NME4: variants seen among roughly 807,000 people sequenced by gnomAD.
NME4 encodes the protein NME/NM23 nucleoside diphosphate kinase 4, also known as nucleoside diphosphate kinase D, mitochondrial.
In NME4, 21 loss-of-function variants were observed where a neutral mutation model predicts 16.4. The observed-to-expected ratio is 1.28, with a 90% CI of 0.91 to 1.84. NME4 has a LOEUF of 1.84. Among genes scored for constraint, NME4 ranks in the 40% most tolerant of loss-of-function variants. The pLI is 0.00. For missense variants in NME4, 316 were observed against 261.3 expected (o/e 1.21, Z -1.44); for synonymous variants, 132 against 107.5 (o/e 1.23, Z -1.41).
rs2054607483 is a variant in NME4, at chr16:399,189, T to C, written c.225+66T>C. On this transcript the variant is annotated intron_variant, in intron 2 of 4. Transcript: ENST00000219479. ...GGGTTGGGGGATCCTTCTCGGCCTT[T>C]CACATCCCAGCCAGCGCCGGGGCAG... 5 of 1,593,116 alleles carry C rather than the reference T, an allele frequency of 3.1e-6. No homozygotes were observed. In the Admixed American group the frequency reaches 6.7e-5, roughly 21 times the overall value.
Position 399,052 on chromosome 16 carries a change from C to A in NME4, c.154C>A (p.Arg52=), listed in dbSNP as rs778547344. ...GGTGAAGCCCGATGGCGTGCAACGG[C>A]GGCTCGTTGGGGACGTGATCCAGCG... is the stretch of plus-strand genomic sequence containing the variant. ...VAVKPDGVQR[R]LVGDVIQRFE... Residue 52 remains arginine (R), a synonymous_variant, in exon 2 of 5, where the codon CGG becomes AGG. Transcript: ENST00000219479. The A allele has an allele frequency of 1.9e-6, 3 of 1,607,128 alleles. No individual in the cohort carries two copies. The African/African-American group carries it at 4.0e-5, about 21-fold the overall frequency.
At chr16:397,830 G>A (rs1306309084) in intron 1 of NME4, 2 of 1,533,422 alleles carry the variant, frequency 1.3e-6, no homozygotes, top group Non-Finnish European at 8.8e-7. Context: ...CGGCCCCGCC[G>A]CTGCCCGGCC....
chr16:400,629 A>G lies in NME4; in HGVS notation c.*287A>G, dbSNP rs1318973525. 1 of 386,950 alleles carries G rather than the reference A, an allele frequency of 2.6e-6. No individual in the cohort carries two copies. The highest frequency in any genetic ancestry group is 4.1e-5 in the East Asian group (1 of 24,532). The allele number at this position is 386,950 out of a possible 1,614,324, so 24.0% of individuals were successfully genotyped here. A position where few individuals can be genotyped will look rare whatever the true frequency, so the allele number is the denominator to read the frequency against. Reference sequence around the variant, plus strand: ...ACCTCTCCTCTAAAGGGGAGGCATTAAAATTCACTGTGCCCAGCACATGGG... The same window carrying G: ...ACCTCTCCTCTAAAGGGGAGGCATTGAAATTCACTGTGCCCAGCACATGGG... On this transcript the variant is annotated 3_prime_UTR_variant, in exon 5 of 5. Coordinates refer to ENST00000219479, the MANE Select transcript of NME4 (RefSeq NM_005009.3).
chr16:397,371 C>A, intron 1 of NME4, 58 bp downstream of exon 1: 1 of 696,416 alleles, frequency 1.4e-6, no homozygotes, highest in Non-Finnish European at 1.8e-6. Flanking sequence ...GCGCGCGCCG[C>A]TCGGCCTTTG....
chr16:399,980 C>CGT (rs1408129076), intron 4 of NME4: 1 of 678,974 alleles, frequency 1.5e-6, no homozygotes. Context: ...GGGGTTGGCA[C>CGT]GGGGCAACTT....
At chr16:397,953 A>C (rs2054583114) in intron 1 of NME4, 1 of 1,547,528 alleles carries the variant, frequency 6.5e-7, no homozygotes. Context: ...GCCCCAGGCT[A>C]CACAAGGCGC....
intron 4 of NME4, chr16:399,978 CA>C (rs2054624836): frequency 5.9e-6 from 4 of 677,766 alleles, no homozygotes; most frequent in Non-Finnish European, 5.1e-6. Flanking sequence ...AAGGGGTTGG[CA>C]CGGGGCAACT....
rs920645730 is a variant in NME4 at position 397,246 on chromosome 16, C to G, written c.24C>G (p.Ser8=). 131 of 1,041,668 alleles carry G rather than the reference C, an allele frequency of 1.3e-4. No individual in the cohort carries two copies. In the African/African-American group the frequency reaches 1.7e-3, roughly 13 times the overall value. 64.5% of individuals were successfully genotyped at this position (1,041,668 alleles called of 1,614,324 possible). Residue 8 remains serine (S), a synonymous_variant, in exon 1 of 5, where the codon TCC becomes TCG. Coordinates refer to ENST00000219479, the MANE Select transcript of NME4 (RefSeq NM_005009.3). MGGLFWR[S]ALRGLRCGPR... ...TCATGGGCGGCCTCTTCTGGCGCTCCGCGCTGCGGGGGCTGCGCTGCGGCC... is the reference window on the plus strand; with the variant it reads ...TCATGGGCGGCCTCTTCTGGCGCTCGGCGCTGCGGGGGCTGCGCTGCGGCC...
rs1489337161 is a variant in NME4 at position 399,644 on chromosome 16, T to C, written c.345T>C (p.Asn115=). The C allele has an allele frequency of 6.2e-7, 1 of 1,613,030 alleles. No individual in the cohort carries two copies. Among genetic ancestry groups the C allele is most frequent in the African/African-American group, 1.3e-5 (1 of 74,874 alleles). Residue 115 remains asparagine, a synonymous_variant, in exon 4 of 5, where the codon AAT becomes AAC. Transcript: ENST00000219479. ...PVVAMVWEGY[N]VVRASRAMIG... Reference sequence around the variant, plus strand: ...CGCTGCAGGTCTGGGAAGGGTACAATGTCGTCCGCGCCTCGAGGGCCATGA... The same window carrying C: ...CGCTGCAGGTCTGGGAAGGGTACAACGTCGTCCGCGCCTCGAGGGCCATGA...
At position 399,018 on chromosome 16, in the gene NME4, C is replaced by G. The variant is rs1197057368; in HGVS notation, c.120C>G (p.Thr40=). The G allele has an allele frequency of 1.9e-6, 3 of 1,609,934 alleles. No homozygotes were observed. Among genetic ancestry groups the G allele is most frequent in the Non-Finnish European group, 2.5e-6 (3 of 1,179,864 alleles). ...SGGPSWTRER[T]LVAVKPDGVQ... is the part of the protein sequence containing the mutation. ...GGCCCTCCTGGACCCGGGAGCGGACCCTGGTGGCGGTGAAGCCCGATGGCG... is the reference window on the plus strand; with the variant it reads ...GGCCCTCCTGGACCCGGGAGCGGACGCTGGTGGCGGTGAAGCCCGATGGCG... Residue 40 remains threonine (T), a synonymous_variant, in exon 2 of 5, where the codon ACC becomes ACG. Transcript: ENST00000219479.
At chr16:400,173 G>A (rs928609288) in intron 4 of NME4, 46 bp from the exon 5 acceptor site, 1 of 1,611,972 alleles carries the variant, frequency 6.2e-7, no homozygotes, top group African/African-American at 1.3e-5. Flanking sequence ...GATTCCTCAG[G>A]GTGCACATGA....
intron 1 of NME4, chr16:398,611 C>A: frequency 2.5e-6 from 1 of 395,004 alleles, no homozygotes; most frequent in Non-Finnish European, 4.6e-6. Context: ...GGTCGCTGAG[C>A]TGGGCTGTCC....
At chr16:400,097 C>T (rs2054628525) in intron 4 of NME4, 122 bp from the exon 5 acceptor site, 1 of 1,411,840 alleles carries the variant, frequency 7.1e-7, no homozygotes, top group South Asian at 1.2e-5. Flanking sequence ...GTTACTCCTT[C>T]CCTGTCTGCA....
In NME4 at chr16:398,983, T is replaced by G; in HGVS notation, c.92-7T>G. Reference sequence around the variant, plus strand: ...TGGCAGTGCCTCTGACCTCTTGCCTTTTGAAGGAGGGCCCTCCTGGACCCG... The same window carrying G: ...TGGCAGTGCCTCTGACCTCTTGCCTGTTGAAGGAGGGCCCTCCTGGACCCG... On this transcript the variant is annotated splice_region_variant and splice_polypyrimidine_tract_variant and intron_variant, in intron 1 of 4. Coordinates refer to ENST00000219479, the MANE Select transcript of NME4 (RefSeq NM_005009.3). 1 of 1,609,786 alleles carries G rather than the reference T, an allele frequency of 6.2e-7. No homozygotes were observed. Among genetic ancestry groups the G allele is most frequent in the East Asian group, 2.2e-5 (1 of 44,870 alleles).
At position 400,468 on chromosome 16, in the gene NME4, C is replaced by G. The variant is rs1461464213; in HGVS notation, c.*126C>G. ...TACTTCCCTGTTCACCTCTGCCCCA[C>G]CCCAGCCCAGAGGAGTTTGAGCCAC... On this transcript the variant is annotated 3_prime_UTR_variant, in exon 5 of 5. Transcript: ENST00000219479. 7.1e-6 allele frequency: 9 copies of G among 1,260,936 alleles called. No homozygotes were observed. In the East Asian group the frequency reaches 2.0e-4, roughly 28 times the overall value. 78.1% of individuals were successfully genotyped at this position (1,260,936 alleles called of 1,614,324 possible).
intron 1 of NME4, chr16:397,999 G>T: frequency 6.5e-7 from 1 of 1,541,602 alleles, no homozygotes; most frequent in Non-Finnish European, 8.7e-7. Context: ...AAACCAACCA[G>T]GGGGTCTTCC....
chr16:398,542 G>C (rs946478085), intron 1 of NME4: 1 of 604,082 alleles, frequency 1.7e-6, no homozygotes, highest in Non-Finnish European at 2.4e-6. Context: ...GAGTTTTGCA[G>C]GATCTCCAGA....
chr16:398,469 A>G lies in NME4; in HGVS notation c.92-521A>G, dbSNP rs367859364. 140 of 1,103,802 alleles carry G rather than the reference A, an allele frequency of 1.3e-4. 1 individual carries two copies. The African/African-American group carries it at 2.2e-3, about 17-fold the overall frequency. The allele number at this position is 1,103,802 out of a possible 1,614,324, so 68.4% of individuals were successfully genotyped here. Reference sequence around the variant, plus strand: ...GGGCTCTGGGTTCTTCCTCATGTGGAAAGTCGGGGCTTCAGACCATGTCTG... The same window carrying G: ...GGGCTCTGGGTTCTTCCTCATGTGGGAAGTCGGGGCTTCAGACCATGTCTG... On this transcript the variant is annotated intron_variant, in intron 1 of 4. Coordinates refer to ENST00000219479, the MANE Select transcript of NME4 (RefSeq NM_005009.3).
At chr16:397,811 C>T in intron 1 of NME4, 2 of 1,487,398 alleles carry the variant, frequency 1.3e-6, no homozygotes, top group Non-Finnish European at 1.8e-6. Context: ...ACGTCAGGCC[C>T]CAAGTCCCCG....
Sources: gnomAD v4.1 joint callset for allele counts on GRCh38, gnomAD v4.1.1 for gene constraint, MANE v1.5 for transcripts, NCBI Gene and HGNC (gene_info 2026-07-23, HGNC 2026-07-21) for gene names.